SHROOM3: variants seen among roughly 807,000 people sequenced by gnomAD.
The protein encoded by SHROOM3 is protein Shroom3.
A neutral mutation model predicts 138.6 loss-of-function variants in SHROOM3; 47 were observed. The ratio of observed to expected loss-of-function variants is 0.34; its 90% CI spans 0.27 to 0.43. SHROOM3 has a LOEUF of 0.43. Among genes scored for constraint, SHROOM3 ranks in the 20% least tolerant of loss-of-function variants. The pLI is 1.00. For synonymous variants in SHROOM3, 1,062 were observed against 1,063.3 expected, an observed-to-expected ratio of 1.00 and a Z score of 0.02; for missense variants, 2,491 against 2,596.5, an observed-to-expected ratio of 0.96 and a Z score of 0.88.
At chr4:76,464,453 A>G (rs1731208616) in intron 1 of SHROOM3, among the ~76,000 whole-genome samples, 1 of 151,970 alleles carries the variant, frequency 6.6e-6, no homozygotes, top group South Asian at 2.1e-4. Flanking sequence ...GGGACTTCCT[A>G]GTCTCAGATG....
Position 76,770,652 on chromosome 4 carries a change from C to A in SHROOM3, c.5376C>A (p.His1792Gln), listed in dbSNP as rs1722329919. Residue 1792 changes from histidine (H) to glutamine (Q), a missense_variant, in exon 10 of 11, where the codon CAC becomes CAA. By Grantham distance (24) the His-to-Gln change is conservative. Coordinates refer to ENST00000296043, the MANE Select transcript of SHROOM3 (RefSeq NM_020859.4). Reference protein sequence around the residue: ...KKAELIGSLTHKLETLQEAKG... With the variant: ...KKAELIGSLTQKLETLQEAKG... ...CTGAGCTCATTGGAAGTCTCACCCA[C>A]AAGCTGGAGACCCTCCAGGAGGCGA... 1 of 1,614,024 alleles carries A rather than the reference C, an allele frequency of 6.2e-7. No individual in the cohort carries two copies.
intron 2 of SHROOM3, among the ~76,000 whole-genome samples, chr4:76,679,982 G>T (rs1415210403): frequency 2.6e-5 from 4 of 152,184 alleles, no homozygotes; most frequent in African/African-American, 4.8e-5. Context: ...CTTCCAGAAG[G>T]TTGTCGCCAC....
chr4:76,637,128 C>T (rs1432835823), intron 2 of SHROOM3, among the ~76,000 whole-genome samples: 1 of 152,080 alleles, frequency 6.6e-6, no homozygotes, highest in East Asian at 1.9e-4. Flanking sequence ...TGTAATTGTC[C>T]AAGAATTATA....
chr4:76,573,896 C>T (rs1577894530), intron 2 of SHROOM3, among the ~76,000 whole-genome samples: 1 of 151,636 alleles, frequency 6.6e-6, no homozygotes, highest in Non-Finnish European at 1.5e-5. Context: ...TGGTTGCCGT[C>T]TGATGTCTGA....
At chr4:76,635,030 C>T (rs567044777) in intron 2 of SHROOM3, among the ~76,000 whole-genome samples, 3 of 152,188 alleles carry the variant, frequency 2.0e-5, no homozygotes, top group Non-Finnish European at 2.9e-5. Context: ...ATTATGCTGA[C>T]GATACTGCAG....
At chr4:76,490,945 T>C (rs1294899523) in intron 1 of SHROOM3, among the ~76,000 whole-genome samples, 7 of 152,080 alleles carry the variant, frequency 4.6e-5, no homozygotes, top group Non-Finnish European at 8.8e-5. Flanking sequence ...CTGGAGCCCA[T>C]TGGGGTTGGA....
intron 1 of SHROOM3, among the ~76,000 whole-genome samples, chr4:76,473,378 T>G (rs547709402): frequency 2.0e-5 from 3 of 152,174 alleles, no homozygotes; most frequent in African/African-American, 7.2e-5. Flanking sequence ...GAGACTGAGA[T>G]GGAAAGATTG....
chr4:76,503,590 A>G (rs1263043069), intron 1 of SHROOM3, among the ~76,000 whole-genome samples: 1 of 152,040 alleles, frequency 6.6e-6, no homozygotes, highest in Non-Finnish European at 1.5e-5. Context: ...CACCACGCCC[A>G]GCTAATTTTT....
intron 3 of SHROOM3, among the ~76,000 whole-genome samples, chr4:76,718,263 T>A (rs903999313): frequency 6.6e-6 from 1 of 152,172 alleles, no homozygotes; most frequent in African/African-American, 2.4e-5. Flanking sequence ...GAGAGAACGT[T>A]CTTTTGATTT....
intron 2 of SHROOM3, among the ~76,000 whole-genome samples, chr4:76,589,469 T>TAAAAA (rs60606785): frequency 3.7e-5 from 5 of 135,602 alleles, no homozygotes; most frequent in Non-Finnish European, 6.4e-5. Flanking sequence ...CTCTGTCTCA[T>TAAAAA]AAAAAAAAAA....
At chr4:76,495,986 A>G (rs1731960547) in intron 1 of SHROOM3, among the ~76,000 whole-genome samples, 1 of 152,230 alleles carries the variant, frequency 6.6e-6, no homozygotes, top group Non-Finnish European at 1.5e-5. Context: ...AGTTTGAGAG[A>G]AAATGGAGGT....
At chr4:76,596,204 A>G (rs4623033) in intron 2 of SHROOM3, among the ~76,000 whole-genome samples, 44,488 of 152,040 alleles carry the variant, frequency 0.29, 6,663 homozygotes, top group East Asian at 0.43. Flanking sequence ...CTGCAGATCA[A>G]GTAGGGGAAA....
chr4:76,693,384 T>TGTTTTTG (rs1280929386), intron 2 of SHROOM3, among the ~76,000 whole-genome samples: 1 of 129,012 alleles, frequency 7.8e-6, no homozygotes, highest in Non-Finnish European at 1.6e-5. Flanking sequence ...TTTTTTTTTT[T>TGTTTTTG]TTTTTTTTTA....
chr4:76,591,845 C>T (rs1368254201), intron 2 of SHROOM3, among the ~76,000 whole-genome samples: 1 of 152,170 alleles, frequency 6.6e-6, no homozygotes, highest in Non-Finnish European at 1.5e-5. Flanking sequence ...GAAGTGCCTA[C>T]CATGTATCAG....
At chr4:76,589,582 G>A (rs1441072793) in intron 2 of SHROOM3, among the ~76,000 whole-genome samples, 1 of 152,180 alleles carries the variant, frequency 6.6e-6, no homozygotes, top group Non-Finnish European at 1.5e-5. Flanking sequence ...ATGTAAATGA[G>A]CCCCACCCTG....
intron 2 of SHROOM3, among the ~76,000 whole-genome samples, chr4:76,566,761 G>A (rs1733733588): frequency 6.6e-6 from 1 of 152,202 alleles, no homozygotes; most frequent in South Asian, 2.1e-4. Flanking sequence ...GACTTGAGAT[G>A]AACTGTGGGT....
intron 5 of SHROOM3, among the ~76,000 whole-genome samples, chr4:76,745,422 G>T (rs931601442): frequency 6.6e-6 from 1 of 152,216 alleles, no homozygotes; most frequent in African/African-American, 2.4e-5. Flanking sequence ...CTTCATGTCT[G>T]ATGTGTAACA....
At chr4:76,566,108 C>CA (rs1170771360) in intron 2 of SHROOM3, among the ~76,000 whole-genome samples, 3,869 of 58,958 alleles carry the variant, frequency 0.066, 83 homozygotes, top group South Asian at 0.075. Flanking sequence ...AACCCTGTCT[C>CA]AAAAAAAAAA....
At chr4:76,754,027 G>A (rs993764759) in intron 6 of SHROOM3, among the ~76,000 whole-genome samples, 11 of 152,156 alleles carry the variant, frequency 7.2e-5, no homozygotes, top group Non-Finnish European at 1.3e-4. Flanking sequence ...ATGTTGCATG[G>A]TGTGTACAGG....
Sources: allele counts gnomAD v4.1 joint callset (sites outside exome capture counted in the v4.1 genomes callset), GRCh38; gene constraint gnomAD v4.1.1; transcripts MANE v1.5; gene names NCBI Gene and HGNC (gene_info 2026-07-23, HGNC 2026-07-21).